GPR107: variants seen among roughly 807,000 people sequenced by gnomAD.
The protein encoded by GPR107 is protein GPR107.
GPR107 carries 31 observed loss-of-function variants against 75.5 expected under a neutral mutation model. The ratio of observed to expected loss-of-function variants is 0.41; its 90% confidence interval spans 0.31 to 0.55. The LOEUF (loss-of-function observed/expected upper bound fraction) is 0.55, where lower values mean the gene tolerates loss of function less well. GPR107 is among the 20% of genes least tolerant of loss of function. GPR107 has a pLI of 0.26. For missense variants in GPR107, 572 were observed against 665.7 expected (o/e 0.86, Z 1.55); for synonymous variants, 267 against 251.3 (o/e 1.06, Z -0.59).
At position 130,080,592 on chromosome 9, in the gene GPR107, C is replaced by T. The variant is rs971398817; in HGVS notation, c.526+823C>T. Among the ~76,000 whole-genome samples, 12 of 151,906 alleles carry T rather than the reference C, an allele frequency of 7.9e-5. No homozygotes were observed. In the East Asian group the frequency reaches 1.4e-3, roughly 17 times the overall value. On this transcript the variant is annotated intron_variant, in intron 5 of 17. Transcript: ENST00000347136. ...CTGCAAGCTCCGCCTCCCGGGTTCA[C>T]GCCATTCTCCTGCCTCAGCCTCCCA... is the stretch of plus-strand genomic sequence containing the variant.
intron 13 of GPR107, among the ~76,000 whole-genome samples, chr9:130,105,420 A>T (rs998465838): frequency 2.0e-5 from 3 of 151,608 alleles, no homozygotes; most frequent in South Asian, 4.2e-4. Context: ...TGCCTGGCTA[A>T]TTTTTTTTGT....
intron 14 of GPR107, among the ~76,000 whole-genome samples, chr9:130,117,260 CG>C (rs1242945814): frequency 1.9e-5 from 2 of 103,354 alleles, no homozygotes; most frequent in East Asian, 1.0e-3. Context: ...AATGTATTTT[CG>C]ATTCATTTTC....
chr9:130,086,163 C>T (rs917376730), intron 6 of GPR107, among the ~76,000 whole-genome samples: 2 of 151,926 alleles, frequency 1.3e-5, no homozygotes, highest in African/African-American at 2.4e-5. Flanking sequence ...GCTGTCTAGC[C>T]GAAAGATTCA....
chr9:130,082,543 G>A (rs939534927), intron 5 of GPR107, among the ~76,000 whole-genome samples: 10 of 145,444 alleles, frequency 6.9e-5, no homozygotes, highest in South Asian at 2.2e-4. Context: ...GCAGTGGCGC[G>A]ATCTCGGCTC....
intron 7 of GPR107, among the ~76,000 whole-genome samples, chr9:130,090,650 A>G (rs1049958669): frequency 1.3e-5 from 2 of 152,240 alleles, no homozygotes; most frequent in Admixed American, 1.3e-4. Context: ...TCATAGAATA[A>G]GAAGATATCT....
intron 14 of GPR107, 111 bp downstream of exon 14, chr9:130,107,650 G>A: frequency 1.2e-6 from 1 of 811,868 alleles, no homozygotes; most frequent in Non-Finnish European, 2.2e-6. Context: ...GTCTTCCTGG[G>A]AGGAGAGCTA....
At chr9:130,058,067 G>A (rs1439243814) in intron 1 of GPR107, among the ~76,000 whole-genome samples, 1 of 152,090 alleles carries the variant, frequency 6.6e-6, no homozygotes, top group African/African-American at 2.4e-5. Flanking sequence ...AACCTCAGGT[G>A]ATCCACCTGC....
chr9:130,055,249 C>T (rs559884864), intron 1 of GPR107, among the ~76,000 whole-genome samples: 121 of 151,320 alleles, frequency 8.0e-4, no homozygotes, highest in African/African-American at 2.8e-3. Context: ...AGGCAGATCA[C>T]GAGGTGAGGA....
rs373850913 is a variant in GPR107 at position 130,104,520 on chromosome 9, G to A, written c.1232G>A (p.Cys411Tyr). Residue 411 changes from cysteine to tyrosine, a missense_variant, in exon 13 of 18, where the codon TGT (cysteine) becomes TAT (tyrosine). Coordinates refer to ENST00000347136, the MANE Select transcript of GPR107 (RefSeq NM_020960.5). ...KDSLFLVDLL[C>Y]CGAILFPVVW... is the part of the protein sequence containing the mutation. ...TCTCTATTTCTGGTCGACCTGTTGT[G>A]TTGTGGTGCCATCCTCTTCCCAGTG... 1 of 1,613,804 alleles carries A rather than the reference G, an allele frequency of 6.2e-7. No homozygotes were observed. The highest frequency in any genetic ancestry group is 1.3e-5 in the African/African-American group (1 of 74,938).
At chr9:130,106,525 A>G (rs1831159202) in intron 13 of GPR107, among the ~76,000 whole-genome samples, 1 of 151,860 alleles carries the variant, frequency 6.6e-6, no homozygotes, top group African/African-American at 2.4e-5. Flanking sequence ...TGAACCCAGG[A>G]GGCGGAGGTT....
intron 2 of GPR107, 35 bp downstream of exon 2, chr9:130,075,784 C>CTTTTTT: frequency 5.9e-6 from 4 of 674,646 alleles, no homozygotes; most frequent in Admixed American, 2.8e-5. Flanking sequence ...GGGGTTTACT[C>CTTTTTT]TTTTTTTTTT....
intron 13 of GPR107, 80 bp from the exon 14 acceptor site, chr9:130,107,416 C>A: frequency 1.2e-6 from 1 of 841,848 alleles, no homozygotes; most frequent in Non-Finnish European, 2.1e-6. Flanking sequence ...AGAAATTCAG[C>A]CTCAAGTTAC....
rs1216239929 is a variant in GPR107 at position 130,067,746 on chromosome 9, C to T, written c.142-7890C>T. On this transcript the variant is annotated intron_variant, in intron 1 of 17. Transcript: ENST00000347136. ...CTAATGACTGGTAGTCCCCCCCCAC[C>T]GCCCCCTTTTTTTTTTTTGAGACAG... is the stretch of plus-strand genomic sequence containing the variant. Among the ~76,000 whole-genome samples, 26 of 78,686 alleles carry T rather than the reference C, an allele frequency of 3.3e-4. No individual in the cohort carries two copies. In the Admixed American group the frequency reaches 4.0e-3, roughly 12 times the overall value. 51.6% of individuals were successfully genotyped at this position (78,686 alleles called of 152,430 possible).
At chr9:130,060,859 C>T (rs886269852) in intron 1 of GPR107, among the ~76,000 whole-genome samples, 1 of 152,192 alleles carries the variant, frequency 6.6e-6, no homozygotes, top group African/African-American at 2.4e-5. Flanking sequence ...AATAGCCAGT[C>T]CTCACTGCTG....
At chr9:130,114,725 C>T in intron 14 of GPR107, 1 of 1,018,198 alleles carries the variant, frequency 9.8e-7, no homozygotes, top group Non-Finnish European at 1.2e-6. Flanking sequence ...TATAATCATA[C>T]TAACCGAAAA....
intron 1 of GPR107, among the ~76,000 whole-genome samples, chr9:130,060,082 G>A (rs994838154): frequency 2.7e-5 from 4 of 150,874 alleles, no homozygotes; most frequent in South Asian, 2.1e-4. Flanking sequence ...GTTGGGGGGC[G>A]CACGGAGTCT....
At chr9:130,067,967 T>G (rs899553746) in intron 1 of GPR107, among the ~76,000 whole-genome samples, 1 of 151,868 alleles carries the variant, frequency 6.6e-6, no homozygotes, top group African/African-American at 2.4e-5. Context: ...CTCAAACTTC[T>G]GACTTCAAGT....
At chr9:130,076,322 G>T (rs901731683) in intron 2 of GPR107, 90 bp from the exon 3 acceptor site, 3 of 801,464 alleles carry the variant, frequency 3.7e-6, no homozygotes, top group Admixed American at 1.8e-5. Flanking sequence ...AGGAGACCAC[G>T]TTAGAAGTAC....
intron 1 of GPR107, among the ~76,000 whole-genome samples, chr9:130,065,402 A>G (rs1830044449): frequency 6.7e-6 from 1 of 149,974 alleles, no homozygotes; most frequent in Non-Finnish European, 1.5e-5. Context: ...GCACCATTGC[A>G]CTCCAGCCTG....
Sources: gnomAD v4.1 joint callset for allele counts (sites outside exome capture counted in the v4.1 genomes callset) on GRCh38, gnomAD v4.1.1 for gene constraint, MANE v1.5 for transcripts, NCBI Gene and HGNC (gene_info 2026-07-23, HGNC 2026-07-21) for gene names.